Variants in MYH8 observed in about 807,000 individuals in gnomAD.
The protein encoded by MYH8 is myosin heavy chain 8.
A neutral mutation model predicts 233.2 loss-of-function variants in MYH8; 168 were observed. That is an observed-to-expected ratio of 0.72 (90% confidence interval 0.64 to 0.82). MYH8 has a LOEUF of 0.82. MYH8 is among the 40% of genes least tolerant of loss of function. The probability of loss-of-function intolerance (pLI) is 0.00; values close to 1 mark genes in which losing one functional copy is unlikely to be tolerated. For synonymous variants in MYH8, 785 were observed against 850.6 expected (o/e 0.92, Z 1.34); for missense variants, 1,995 against 2,327.8 (o/e 0.86, Z 2.94).
At chr17:10,391,017 GC>G in intron 39 of MYH8, among the ~76,000 whole-genome samples, 1 of 152,326 alleles carries the variant, frequency 6.6e-6, no homozygotes, top group Non-Finnish European at 1.5e-5. Flanking sequence ...TTGACTCATT[GC>G]CATTTATGCC....
In MYH8 at chr17:10,420,141, G is replaced by A. The variant is rs745641717; in HGVS notation, c.87C>T (p.Ala29=). 1.2e-6 allele frequency: 2 copies of A among 1,614,192 alleles called. No individual in the cohort carries two copies. The highest frequency in any genetic ancestry group is 4.5e-5 in the East Asian group (2 of 44,888). ...LRKSEKERIE[A]QNKPFDAKTS... ...TTTTAGCATCAAACGGCTTGTTTTG[G>A]GCCTCAATCCGCTCCTTTTCTGATT... Residue 29 remains alanine, a synonymous_variant, in exon 3 of 40, where the codon GCC becomes GCT. Coordinates refer to ENST00000403437, the MANE Select transcript of MYH8 (RefSeq NM_002472.3).
chr17:10,402,154 G>T (rs998302342), intron 22 of MYH8, among the ~76,000 whole-genome samples: 1 of 152,000 alleles, frequency 6.6e-6, no homozygotes, highest in African/African-American at 2.4e-5. Flanking sequence ...TCTCAATTTT[G>T]TGTATATATA....
At chr17:10,414,149 T>C in intron 11 of MYH8, 43 bp downstream of exon 11, 1 of 1,608,898 alleles carries the variant, frequency 6.2e-7, no homozygotes, top group Non-Finnish European at 8.5e-7. Context: ...CTATTGTCAT[T>C]TCCATACATA....
chr17:10,409,831 G>T (rs552962385), intron 15 of MYH8, among the ~76,000 whole-genome samples: 1 of 152,188 alleles, frequency 6.6e-6, no homozygotes, highest in South Asian at 2.1e-4. Flanking sequence ...CCTCAACACC[G>T]CATGTTAAAA....
rs9901358 is a variant in MYH8 at position 10,394,984 on chromosome 17, T to C, written c.4962+149A>G. The stretch of plus-strand genomic sequence containing the variant: ...ACATAACATTTTCTTAAAAATAATA[T>C]GTTCTATGTGTATTTAATTCAGTTA... On this transcript the variant is annotated intron_variant, in intron 34 of 39. Coordinates refer to ENST00000403437, the MANE Select transcript of MYH8 (RefSeq NM_002472.3). 0.55 allele frequency: 453,342 copies of C among 823,850 alleles called. 131,090 individuals are homozygous for C. The highest frequency in any genetic ancestry group is 0.73 in the African/African-American group (42,884 of 58,868). The allele number at this position is 823,850 out of a possible 1,614,324, so 51.0% of individuals were successfully genotyped here. A position where few individuals can be genotyped will look rare whatever the true frequency, so the allele number is the denominator to read the frequency against.
At chr17:10,391,176 C>T (rs974768105) in intron 39 of MYH8, among the ~76,000 whole-genome samples, 4 of 152,120 alleles carry the variant, frequency 2.6e-5, no homozygotes, top group Admixed American at 2.6e-4. Flanking sequence ...GGCAAGAGCC[C>T]CCACTGATGA....
intron 2 of MYH8, 116 bp from the exon 3 acceptor site, chr17:10,420,373 A>C: frequency 1.1e-6 from 1 of 914,694 alleles, no homozygotes; most frequent in Non-Finnish European, 1.7e-6. Flanking sequence ...ATTCCTCCAA[A>C]CTGGCACTCC....
In MYH8 at chr17:10,406,681, A is replaced by G; in HGVS notation, c.2171+9T>C. ...ACAGTGTTAATGAAATACATCAAAG[A>G]AGACTGACCTTTGTTTGAAATCACC... is the stretch of plus-strand genomic sequence containing the variant. On this transcript the variant is annotated intron_variant, in intron 19 of 39. Coordinates refer to ENST00000403437, the MANE Select transcript of MYH8 (RefSeq NM_002472.3). The G allele has an allele frequency of 1.9e-6, 3 of 1,607,164 alleles. No individual in the cohort carries two copies. The highest frequency in any genetic ancestry group is 2.6e-6 in the Non-Finnish European group (3 of 1,173,940).
intron 22 of MYH8, 71 bp from the exon 23 acceptor site, chr17:10,401,856 A>G: frequency 6.3e-7 from 1 of 1,588,460 alleles, no homozygotes; most frequent in Admixed American, 1.7e-5. Flanking sequence ...TTTTGCGCAA[A>G]AATAATAGTG....
chr17:10,399,545 G>C lies in MYH8; in HGVS notation c.3860C>G (p.Ala1287Gly), dbSNP rs1268282594. The change falls in exon 28 of 40, where the codon GCG becomes GGG. Residue 1287 changes from alanine (A) to glycine (G), a missense_variant and splice_region_variant. Transcript: ENST00000403437. Reference sequence around the variant, plus strand: ...GGACCCAGAGAAGATGTCTTTACCCGCTTCTGTCTGCAGGCGCGCTCTCTG... The same window carrying C: ...GGACCCAGAGAAGATGTCTTTACCCCCTTCTGTCTGCAGGCGCGCTCTCTG... ...TAQRARLQTE[A>G]GEYSRQLDEK... 6.2e-7 allele frequency: 1 copy of C among 1,613,124 alleles called. No homozygotes were observed.
At chr17:10,407,972 G>A (rs976533408) in intron 17 of MYH8, among the ~76,000 whole-genome samples, 2 of 139,300 alleles carry the variant, frequency 1.4e-5, no homozygotes, top group Non-Finnish European at 3.0e-5. Context: ...ACAGAATCTC[G>A]CTCTGTTGCC....
Position 10,396,764 on chromosome 17 carries a change from C to G in MYH8, c.4362+39G>C. On this transcript the variant is annotated intron_variant, in intron 31 of 39. Transcript: ENST00000403437. The surrounding 1 kb of genome is among the most constrained non-coding windows in gnomAD (Gnocchi z 4.2). ...AGTTGATCCAAGGAGAAAGGAAGACCGAGTAAAACACTCTTAAAGTTTAAG... is the reference window on the plus strand; with the variant it reads ...AGTTGATCCAAGGAGAAAGGAAGACGGAGTAAAACACTCTTAAAGTTTAAG... 1 of 1,614,122 alleles carries G rather than the reference C, an allele frequency of 6.2e-7. No homozygotes were observed. The highest frequency in any genetic ancestry group is 8.5e-7 in the Non-Finnish European group (1 of 1,180,016).
intron 33 of MYH8, among the ~76,000 whole-genome samples, chr17:10,395,810 G>A (rs934319138): frequency 9.2e-5 from 14 of 151,612 alleles, no homozygotes; most frequent in Non-Finnish European, 1.3e-4. Flanking sequence ...TTTTTTTTCC[G>A]ATTACATAAT....
chr17:10,394,221 C>G (rs776585718), intron 35 of MYH8, 28 bp downstream of exon 35: 14 of 1,613,404 alleles, frequency 8.7e-6, no homozygotes, highest in African/African-American at 1.3e-5. Context: ...ACCAGTACAC[C>G]AGCATTTGTT....
At position 10,406,303 on chromosome 17, in the gene MYH8, G is replaced by A; in HGVS notation, c.2266C>T (p.His756Tyr). 6.2e-7 allele frequency: 1 copy of A among 1,613,282 alleles called. No individual in the cohort carries two copies. The highest frequency in any genetic ancestry group is 8.5e-7 in the Non-Finnish European group (1 of 1,179,262). Residue 756 changes from histidine (H) to tyrosine (Y), a missense_variant, in exon 20 of 40, where the codon CAT becomes TAT. Coordinates refer to ENST00000403437, the MANE Select transcript of MYH8 (RefSeq NM_002472.3). ...GTATGTCCAAATTTATATTGAGTATGATCAATATCAATAGATGCAAGAAGT... is the reference window on the plus strand; with the variant it reads ...GTATGTCCAAATTTATATTGAGTATAATCAATATCAATAGATGCAAGAAGT... Reference protein sequence around the residue: ...EKLLASIDIDHTQYKFGHTKV... With the variant: ...EKLLASIDIDYTQYKFGHTKV...
chr17:10,401,133 C>T lies in MYH8; in HGVS notation c.3167G>A (p.Arg1056Gln), dbSNP rs140112749. 2.7e-5 allele frequency: 43 copies of T among 1,613,980 alleles called. No homozygotes were observed. The highest frequency in any genetic ancestry group is 4.4e-5 in the South Asian group (4 of 91,068). Residue 1056 changes from arginine to glutamine, a missense_variant, in exon 25 of 40, where the codon CGG becomes CAG. By Grantham distance (43) the Arg-to-Gln change is conservative. Coordinates refer to ENST00000403437, the MANE Select transcript of MYH8 (RefSeq NM_002472.3). ...KLRMDLERAK[R>Q]KLEGDLKLAQ... ...CAATTTGAGGTCACCCTCCAGTTTC[C>T]GCTTTGCTCTTTCTAGATCCATTCG...
At chr17:10,404,108 T>C (rs1400036205) in intron 22 of MYH8, among the ~76,000 whole-genome samples, 2 of 152,202 alleles carry the variant, frequency 1.3e-5, no homozygotes, top group African/African-American at 2.4e-5. Context: ...CTGTTAAATT[T>C]TGTGATATTA....
chr17:10,401,183 C>A lies in MYH8; in HGVS notation c.3117G>T (p.Gly1039=), dbSNP rs3744553. The change falls in exon 25 of 40, where the codon GGG becomes GGT. Residue 1039 remains glycine, a synonymous_variant. Transcript: ENST00000403437. ...GAAGCTTCTTTTCTTGTTCCAGAGA[C>A]CCTTCAAGCTAATAAGAAAGTAAAT... ...KLEQQVDDLE[G]SLEQEKKLRM... 4.3e-6 allele frequency: 7 copies of A among 1,613,628 alleles called. No homozygotes were observed. In the Admixed American group the frequency reaches 8.3e-5, roughly 19 times the overall value.
rs1316167351 is a variant in MYH8 at position 10,390,485 on chromosome 17, C to T, written c.5783G>A (p.Arg1928Gln). ...TGCACTGATTTTTGTGTGAACCTCT[C>T]GGCTCTTCACTCGCAATTTGTTGAC... ...SQVNKLRVKS[R>Q]EVHTKISAE Residue 1928 changes from arginine to glutamine, a missense_variant, in exon 40 of 40, where the codon CGA (arginine) becomes CAA (glutamine). By Grantham distance (43) the Arg-to-Gln change is conservative. Coordinates refer to ENST00000403437, the MANE Select transcript of MYH8 (RefSeq NM_002472.3). 3.1e-6 allele frequency: 5 copies of T among 1,613,868 alleles called. No homozygotes were observed. The highest frequency in any genetic ancestry group is 1.7e-5 in the Admixed American group (1 of 60,016).
Sources: allele counts gnomAD v4.1 joint callset (sites outside exome capture counted in the v4.1 genomes callset), GRCh38; gene constraint gnomAD v4.1.1; non-coding constraint Gnocchi (gnomAD v3.1); transcripts MANE v1.5; gene names NCBI Gene and HGNC (gene_info 2026-07-23, HGNC 2026-07-21).